The following PSEN1 variants were observed in gnomAD, a reference collection of about 807,000 sequenced individuals.
The protein encoded by PSEN1 is presenilin-1.
PSEN1 carries 15 observed loss-of-function variants against 53.5 expected under a neutral mutation model. The observed-to-expected ratio is 0.28, with a 90% confidence interval of 0.19 to 0.43. The LOEUF (loss-of-function observed/expected upper bound fraction) is 0.43. Among genes scored for constraint, PSEN1 ranks in the 20% least tolerant of loss-of-function variants. The pLI is 1.00. For missense variants in PSEN1, 387 were observed against 571.2 expected (o/e 0.68, Z 3.29); for synonymous variants, 208 against 209.8 (o/e 0.99, Z 0.08).
chr14:73,137,850 G>A (rs766944659), intron 1 of PSEN1, among the ~76,000 whole-genome samples: 14 of 152,248 alleles, frequency 9.2e-5, no homozygotes, highest in Non-Finnish European at 1.8e-4. Flanking sequence ...TTGGGAGGCC[G>A]CGGGGCGGAT....
intron 11 of PSEN1, among the ~76,000 whole-genome samples, chr14:73,218,086 CTTTTTTTTTT>C (rs58637970): frequency 1.0e-5 from 1 of 97,896 alleles, no homozygotes; most frequent in African/African-American, 4.4e-5. Flanking sequence ...CCGCACCTGG[CTTTTTTTTTT>C]TTTTTTTTTT....
chr14:73,206,769 T>A (rs1023945759), intron 9 of PSEN1, among the ~76,000 whole-genome samples: 3 of 152,044 alleles, frequency 2.0e-5, no homozygotes, highest in African/African-American at 7.2e-5. Context: ...TTGTTTTTTA[T>A]AAGTCATGAT....
At chr14:73,138,631 C>T (rs1308475158) in intron 1 of PSEN1, among the ~76,000 whole-genome samples, 2 of 151,880 alleles carry the variant, frequency 1.3e-5, no homozygotes, top group African/African-American at 2.4e-5. Context: ...GGGATACAGG[C>T]ACAAGCCACT....
chr14:73,182,683 C>T (rs1347418630), intron 5 of PSEN1, among the ~76,000 whole-genome samples: 1 of 151,780 alleles, frequency 6.6e-6, no homozygotes, highest in Admixed American at 6.6e-5. Context: ...ATCTCTAATA[C>T]AAAAATCACC....
chr14:73,144,595 C>T (rs1420010070), intron 1 of PSEN1, among the ~76,000 whole-genome samples: 2 of 152,336 alleles, frequency 1.3e-5, no homozygotes, highest in South Asian at 4.1e-4. Context: ...CAACTCCTCA[C>T]TTGCCAGATG....
intron 1 of PSEN1, among the ~76,000 whole-genome samples, chr14:73,143,840 C>A (rs1896992064): frequency 6.6e-6 from 1 of 151,794 alleles, no homozygotes; most frequent in Non-Finnish European, 1.5e-5. Context: ...AAGACCCTTT[C>A]TCTAAATAAA....
At chr14:73,209,708 G>A (rs114634160) in intron 9 of PSEN1, among the ~76,000 whole-genome samples, 143 of 152,304 alleles carry the variant, frequency 9.4e-4, no homozygotes, top group African/African-American at 3.4e-3. Context: ...GGAATTTTAC[G>A]TATCCTGGAA....
intron 7 of PSEN1, among the ~76,000 whole-genome samples, 189 bp downstream of exon 7, chr14:73,193,053 G>A (rs994235476): frequency 7.2e-5 from 11 of 152,104 alleles, no homozygotes; most frequent in African/African-American, 2.7e-4. Context: ...GCTCATGCCT[G>A]TAATCTTAGC....
At chr14:73,147,930 G>C (rs200737712) in intron 2 of PSEN1, 37 bp from the exon 3 acceptor site, 366 of 937,742 alleles carry the variant, frequency 3.9e-4, no homozygotes, top group Non-Finnish European at 7.1e-5. Context: ...CAGTATAATT[G>C]TAGTGCACAA....
intron 5 of PSEN1, among the ~76,000 whole-genome samples, chr14:73,185,254 C>T (rs1365300823): frequency 1.3e-5 from 2 of 152,140 alleles, no homozygotes; most frequent in African/African-American, 2.4e-5. Context: ...CCAAGGCAGG[C>T]GGCTGGGAGG....
chr14:73,161,768 A>G (rs900387575), intron 3 of PSEN1, among the ~76,000 whole-genome samples: 3 of 152,170 alleles, frequency 2.0e-5, no homozygotes, highest in Non-Finnish European at 4.4e-5. Flanking sequence ...TCAGAGGCCA[A>G]GCTGATACTG....
chr14:73,141,825 T>C (rs1896936648), intron 1 of PSEN1, among the ~76,000 whole-genome samples: 2 of 151,934 alleles, frequency 1.3e-5, no homozygotes, highest in Admixed American at 6.6e-5. Flanking sequence ...CCCAGCACTT[T>C]GGGAGGCAGA....
intron 3 of PSEN1, among the ~76,000 whole-genome samples, chr14:73,162,466 A>C: frequency 2.2e-5 from 3 of 137,140 alleles, no homozygotes; most frequent in South Asian, 5.0e-4. Flanking sequence ...CTCTCTCTCC[A>C]TGAGAAGGAG....
At chr14:73,171,979 T>G (rs1052120223) in intron 4 of PSEN1, among the ~76,000 whole-genome samples, 2 of 152,198 alleles carry the variant, frequency 1.3e-5, no homozygotes, top group Non-Finnish European at 2.9e-5. Flanking sequence ...CAAATATATA[T>G]TTATTTACAT....
At chr14:73,148,492 A>G (rs1199352692) in intron 3 of PSEN1, among the ~76,000 whole-genome samples, 1 of 152,212 alleles carries the variant, frequency 6.6e-6, no homozygotes, top group African/African-American at 2.4e-5. Flanking sequence ...TGATTGTACA[A>G]TGCAAGGATA....
At chr14:73,186,693 C>T (rs1190049363) in intron 5 of PSEN1, among the ~76,000 whole-genome samples, 160 bp from the exon 6 acceptor site, 1 of 152,158 alleles carries the variant, frequency 6.6e-6, no homozygotes, top group Non-Finnish European at 1.5e-5. Flanking sequence ...ACGAGAATTG[C>T]TTGAACCCAG....
chr14:73,178,163 G>A (rs865874445), intron 5 of PSEN1, among the ~76,000 whole-genome samples: 20 of 149,364 alleles, frequency 1.3e-4, no homozygotes, highest in African/African-American at 4.5e-4. Flanking sequence ...TAAGTATTCC[G>A]CCTGCCTGGG....
chr14:73,195,850 C>G (rs1005777889), intron 7 of PSEN1, among the ~76,000 whole-genome samples: 1 of 152,176 alleles, frequency 6.6e-6, no homozygotes, highest in Non-Finnish European at 1.5e-5. Flanking sequence ...TATGAAGTAT[C>G]AAGGCAGTTA....
intron 1 of PSEN1, among the ~76,000 whole-genome samples, chr14:73,145,322 G>A (rs1056294411): frequency 2.6e-5 from 4 of 152,020 alleles, no homozygotes; most frequent in Admixed American, 6.6e-5. Context: ...ATAATGGAGT[G>A]TACTTTTATT....
Sources: allele counts gnomAD v4.1 joint callset (sites outside exome capture counted in the v4.1 genomes callset), GRCh38; gene constraint gnomAD v4.1.1; transcripts MANE v1.5; gene names NCBI Gene and HGNC (gene_info 2026-07-23, HGNC 2026-07-21).